ARFGEF2: variants seen among roughly 807,000 people sequenced by gnomAD.
The protein encoded by ARFGEF2 is brefeldin A-inhibited guanine nucleotide-exchange protein 2.
ARFGEF2 carries 74 observed loss-of-function variants against 219.9 expected under a neutral mutation model. The ratio of observed to expected loss-of-function variants is 0.34; its 90% CI spans 0.28 to 0.41. The LOEUF (loss-of-function observed/expected upper bound fraction) is 0.41, where lower values mean the gene tolerates loss of function less well. ARFGEF2 is among the 10% of genes least tolerant of loss of function. The probability of loss-of-function intolerance (pLI) is 1.00; values close to 1 mark genes in which losing one functional copy is unlikely to be tolerated. For synonymous variants in ARFGEF2, 733 were observed against 799.2 expected (o/e 0.92, Z 1.40); for missense variants, 1,743 against 2,218.3 (o/e 0.79, Z 4.30).
At chr20:48,970,165 A>G (rs2091216066) in intron 9 of ARFGEF2, among the ~76,000 whole-genome samples, 1 of 151,988 alleles carries the variant, frequency 6.6e-6, no homozygotes, top group African/African-American at 2.4e-5. Context: ...AAATACAAAA[A>G]TTAGCTGGGT....
At chr20:49,026,138 C>G (rs2091600677) in intron 36 of ARFGEF2, among the ~76,000 whole-genome samples, 1 of 152,062 alleles carries the variant, frequency 6.6e-6, no homozygotes, top group Admixed American at 6.6e-5. Flanking sequence ...AGTTCAAGAC[C>G]AGCCTGGGCA....
At chr20:48,989,520 A>G in intron 19 of ARFGEF2, 36 bp from the exon 20 acceptor site, 1 of 1,614,140 alleles carries the variant, frequency 6.2e-7, no homozygotes, top group South Asian at 1.1e-5. Flanking sequence ...CCACGCTAAA[A>G]CTCTGGATGT....
Position 48,921,792 on chromosome 20 carries a change from C to T in ARFGEF2, c.-98C>T, listed in dbSNP as rs956799270. On this transcript the variant is annotated 5_prime_UTR_variant, in exon 1 of 39. Coordinates refer to ENST00000371917, the MANE Select transcript of ARFGEF2 (RefSeq NM_006420.3). Reference sequence around the variant, plus strand: ...CCTGACGGGGCGGCGCGGACGGACGCGGCCGGTGCCGGCCGGGACGCCGGG... The same window carrying T: ...CCTGACGGGGCGGCGCGGACGGACGTGGCCGGTGCCGGCCGGGACGCCGGG... 50 of 1,166,970 alleles carry T rather than the reference C, an allele frequency of 4.3e-5. No individual in the cohort carries two copies. In the African/African-American group the frequency reaches 6.9e-4, roughly 16 times the overall value. The allele number at this position is 1,166,970 out of a possible 1,614,324, so 72.3% of individuals were successfully genotyped here.
intron 16 of ARFGEF2, 74 bp downstream of exon 16, chr20:48,985,687 G>C: frequency 6.7e-7 from 1 of 1,498,970 alleles, no homozygotes; most frequent in East Asian, 2.3e-5. Flanking sequence ...ATTTGGTTGG[G>C]GTTTAATCTT....
chr20:49,014,054 A>G, intron 30 of ARFGEF2, 94 bp downstream of exon 30: 2 of 1,538,648 alleles, frequency 1.3e-6, no homozygotes, highest in Non-Finnish European at 1.8e-6. Flanking sequence ...TCGTCTACCC[A>G]GAGTTCTTAA....
At chr20:48,995,052 T>G (rs1182438606) in intron 22 of ARFGEF2, among the ~76,000 whole-genome samples, 2 of 152,160 alleles carry the variant, frequency 1.3e-5, no homozygotes, top group Non-Finnish European at 2.9e-5. Context: ...TGATGTAACA[T>G]GGTAATAATA....
At chr20:49,030,510 T>A (rs1269054320) in intron 37 of ARFGEF2, among the ~76,000 whole-genome samples, 1 of 151,706 alleles carries the variant, frequency 6.6e-6, no homozygotes, top group Non-Finnish European at 1.5e-5. Context: ...AATATTGTCA[T>A]GTATCCCTTA....
intron 25 of ARFGEF2, among the ~76,000 whole-genome samples, chr20:49,000,956 G>A (rs2091421269): frequency 6.6e-6 from 1 of 152,064 alleles, no homozygotes; most frequent in Non-Finnish European, 1.5e-5. Context: ...AGGGTGGCAG[G>A]TGGGAACCAG....
At chr20:49,004,930 A>G in intron 25 of ARFGEF2, 140 bp from the exon 26 acceptor site, 1 of 942,798 alleles carries the variant, frequency 1.1e-6, no homozygotes. Flanking sequence ...TAGCCAAGAA[A>G]TAGCATTTTC....
chr20:48,965,862 G>A lies in ARFGEF2; in HGVS notation c.908-10G>A, dbSNP rs544510554. 6.2e-7 allele frequency: 1 copy of A among 1,614,128 alleles called. No homozygotes were observed. Among genetic ancestry groups the A allele is most frequent in the South Asian group, 1.1e-5 (1 of 91,078 alleles). On this transcript the variant is annotated splice_polypyrimidine_tract_variant and intron_variant, in intron 7 of 38. Transcript: ENST00000371917. ...CTAATTTGGCTATGACTTTGTACTT[G>A]TGTTTTAAGAAGCAGCGGAAAAGCA...
At chr20:48,963,533 G>A (rs2091167961) in intron 6 of ARFGEF2, among the ~76,000 whole-genome samples, 1 of 152,194 alleles carries the variant, frequency 6.6e-6, no homozygotes, top group Admixed American at 6.5e-5. Flanking sequence ...CCAAGTTGGG[G>A]GTGGTGGGGA....
In ARFGEF2 at chr20:48,985,620, G is replaced by A. The variant is rs1486175070; in HGVS notation, c.2276+7G>A. On this transcript the variant is annotated splice_region_variant and intron_variant, in intron 16 of 38. Coordinates refer to ENST00000371917, the MANE Select transcript of ARFGEF2 (RefSeq NM_006420.3). The stretch of plus-strand genomic sequence containing the variant: ...ACATAGAATGCAACCAAGGGTGAGC[G>A]CCGATTTTGAGTCCCTTCCAGATCA... 1.1e-5 allele frequency: 17 copies of A among 1,613,690 alleles called. No individual in the cohort carries two copies. Among genetic ancestry groups the A allele is most frequent in the African/African-American group, 2.7e-5 (2 of 74,912 alleles).
At chr20:48,924,046 A>G (rs2090860536) in intron 1 of ARFGEF2, among the ~76,000 whole-genome samples, 1 of 152,196 alleles carries the variant, frequency 6.6e-6, no homozygotes. Context: ...TCATAAGGGA[A>G]CGTATGCATA....
intron 9 of ARFGEF2, 113 bp from the exon 10 acceptor site, chr20:48,971,007 T>C (rs1304697676): frequency 2.3e-6 from 2 of 867,630 alleles, no homozygotes; most frequent in Non-Finnish European, 3.8e-6. Context: ...ATTTAGGTGC[T>C]ATTAATTCTT....
intron 34 of ARFGEF2, 48 bp downstream of exon 34, chr20:49,019,046 A>G: frequency 6.9e-7 from 1 of 1,449,620 alleles, no homozygotes; most frequent in Non-Finnish European, 9.6e-7. Context: ...TGTTTATGTG[A>G]TTCATATATT....
At chr20:49,019,618 G>A (rs545124173) in intron 34 of ARFGEF2, among the ~76,000 whole-genome samples, 1 of 152,256 alleles carries the variant, frequency 6.6e-6, no homozygotes, top group South Asian at 2.1e-4. Context: ...GTGGATAAGT[G>A]AATTTGCCAT....
chr20:49,022,983 A>T (rs2091574986), intron 34 of ARFGEF2, 68 bp from the exon 35 acceptor site: 1 of 1,596,506 alleles, frequency 6.3e-7, no homozygotes. Context: ...ACATAGTAGG[A>T]GCTCAGTGGA....
At chr20:48,923,213 C>T (rs1244921520) in intron 1 of ARFGEF2, among the ~76,000 whole-genome samples, 4 of 152,012 alleles carry the variant, frequency 2.6e-5, no homozygotes, top group Admixed American at 2.0e-4. Flanking sequence ...ACTGCCCCAA[C>T]GTCTTTGGTT....
chr20:49,001,640 C>A (rs1469068056), intron 25 of ARFGEF2, among the ~76,000 whole-genome samples: 1 of 152,180 alleles, frequency 6.6e-6, no homozygotes, highest in Non-Finnish European at 1.5e-5. Context: ...TCTCTAATTA[C>A]ATTAACATAC....
Sources: allele counts gnomAD v4.1 joint callset (sites outside exome capture counted in the v4.1 genomes callset), GRCh38; gene constraint gnomAD v4.1.1; transcripts MANE v1.5; gene names NCBI Gene and HGNC (gene_info 2026-07-23, HGNC 2026-07-21).